The following PRR16 variants were observed in gnomAD, a reference collection of about 807,000 sequenced individuals.
The protein encoded by PRR16 is proline rich 16, also known as protein Largen.
Under a neutral mutation model 18.2 loss-of-function variants are expected in PRR16, and 6 were observed. The ratio of observed to expected loss-of-function variants is 0.33; its 90% CI spans 0.18 to 0.65. The LOEUF (loss-of-function observed/expected upper bound fraction) is 0.65, where lower values mean the gene tolerates loss of function less well. Among genes scored for constraint, PRR16 ranks in the 30% least tolerant of loss-of-function variants. The pLI, the probability that PRR16 is intolerant of heterozygous loss-of-function variation, is 0.74. For missense variants in PRR16, 412 were observed against 376.6 expected (o/e 1.09, Z -0.78); for synonymous variants, 151 against 147.8 (o/e 1.02, Z -0.16).
the PRR16 span, among the ~76,000 whole-genome samples, chr5:120,703,012 T>C: frequency 2.0e-5 from 3 of 152,172 alleles, no homozygotes; most frequent in East Asian, 1.9e-4. Flanking sequence ...GTGAGCAACA[T>C]GGCTGTTTAT....
intron 1 of PRR16, among the ~76,000 whole-genome samples, chr5:120,518,369 T>C (rs1161725173): frequency 1.3e-5 from 2 of 152,094 alleles, no homozygotes; most frequent in East Asian, 1.9e-4. Context: ...AGACAAATTA[T>C]GATAACTGTG....
chr5:120,541,033 AAG>A (rs1315925358), intron 1 of PRR16, among the ~76,000 whole-genome samples: 15 of 152,218 alleles, frequency 9.9e-5, no homozygotes, highest in African/African-American at 3.6e-4. Context: ...GTATTTTATA[AAG>A]AGATTCTTTA....
At chr5:120,467,944 A>G (rs1749154661) in intron 1 of PRR16, among the ~76,000 whole-genome samples, 1 of 152,164 alleles carries the variant, frequency 6.6e-6, no homozygotes, top group South Asian at 2.1e-4. Flanking sequence ...TTAAATTGCT[A>G]CCAAGATGAA....
intron 1 of PRR16, among the ~76,000 whole-genome samples, chr5:120,567,147 T>A (rs920376482): frequency 3.3e-5 from 5 of 152,318 alleles, no homozygotes; most frequent in Non-Finnish European, 7.4e-5. Flanking sequence ...GTCTACCATC[T>A]CACATATGCC....
At chr5:120,745,320 C>T in the PRR16 span, among the ~76,000 whole-genome samples, 1 of 152,138 alleles carries the variant, frequency 6.6e-6, no homozygotes, top group Admixed American at 6.5e-5. Flanking sequence ...CTCTGCTTTA[C>T]TCCCATCCAG....
the PRR16 span, among the ~76,000 whole-genome samples, chr5:120,759,178 G>A: frequency 7.9e-5 from 12 of 151,720 alleles, no homozygotes; most frequent in Middle Eastern, 3.2e-3. Flanking sequence ...GGGTTTCACC[G>A]TGTTAGCCAG....
At chr5:120,707,870 G>T in the PRR16 span, among the ~76,000 whole-genome samples, 10 of 152,172 alleles carry the variant, frequency 6.6e-5, no homozygotes, top group African/African-American at 2.4e-4. Flanking sequence ...TTGCATATGG[G>T]AATGAGGCTT....
intron 1 of PRR16, among the ~76,000 whole-genome samples, chr5:120,519,765 A>G (rs1228190510): frequency 6.6e-6 from 1 of 152,164 alleles, no homozygotes; most frequent in African/African-American, 2.4e-5. Flanking sequence ...AGAGAAAAGA[A>G]AAAATATGTG....
intron 1 of PRR16, among the ~76,000 whole-genome samples, chr5:120,622,681 G>A (rs577921194): frequency 3.3e-5 from 5 of 151,986 alleles, no homozygotes; most frequent in African/African-American, 1.2e-4. Flanking sequence ...GTTTCACCAT[G>A]TTGGCTAGGA....
intron 1 of PRR16, among the ~76,000 whole-genome samples, chr5:120,489,378 G>T (rs6882173): frequency 1 from 151,531 of 151,608 alleles, 75,727 homozygotes; most frequent in Middle Eastern, 1. Flanking sequence ...AGCTCTTCTT[G>T]TTGAATTGAT....
intron 1 of PRR16, among the ~76,000 whole-genome samples, chr5:120,521,472 C>A (rs561895781): frequency 6.6e-6 from 1 of 151,964 alleles, no homozygotes; most frequent in Admixed American, 6.6e-5. Flanking sequence ...TTACAGTCTG[C>A]TGATCTTTAT....
intron 1 of PRR16, among the ~76,000 whole-genome samples, chr5:120,470,491 A>T (rs1340918862): frequency 1.3e-5 from 2 of 152,188 alleles, no homozygotes; most frequent in Non-Finnish European, 2.9e-5. Flanking sequence ...GTTATAAATT[A>T]TAAGCAATGA....
At chr5:120,653,234 GA>G (rs930744464) in intron 1 of PRR16, among the ~76,000 whole-genome samples, 1 of 149,406 alleles carries the variant, frequency 6.7e-6, no homozygotes, top group Non-Finnish European at 1.5e-5. Context: ...GTTCACCTTG[GA>G]AAAAAAACAG....
At chr5:120,563,788 C>A (rs1752650179) in intron 1 of PRR16, among the ~76,000 whole-genome samples, 1 of 152,012 alleles carries the variant, frequency 6.6e-6, no homozygotes, top group Non-Finnish European at 1.5e-5. Flanking sequence ...AGACAATGTC[C>A]CCTTTACTTT....
the PRR16 span, among the ~76,000 whole-genome samples, chr5:120,723,622 C>G: frequency 6.6e-6 from 1 of 151,796 alleles, no homozygotes; most frequent in African/African-American, 2.4e-5. Flanking sequence ...AGAAATAAGA[C>G]TCTTGATTTT....
In PRR16 at chr5:120,664,385, G is replaced by A. The variant is rs113268731; in HGVS notation, c.160-21569G>A. On this transcript the variant is annotated intron_variant, in intron 1 of 1. Coordinates refer to ENST00000407149, the MANE Select transcript of PRR16 (RefSeq NM_001300783.2). ...GGAAGGTACTCGTGCTGCAACCCTGGGAAGCATGGCCATATGAGCAGATCT... is the reference window on the plus strand; with the variant it reads ...GGAAGGTACTCGTGCTGCAACCCTGAGAAGCATGGCCATATGAGCAGATCT... Among the ~76,000 whole-genome samples, 775 of 151,914 alleles carry A rather than the reference G, an allele frequency of 5.1e-3. 1 individual carries two copies. Among genetic ancestry groups the A allele is most frequent in the African/African-American group, 0.018 (743 of 41,478 alleles).
At chr5:120,573,248 C>T (rs978552012) in intron 1 of PRR16, among the ~76,000 whole-genome samples, 3 of 152,184 alleles carry the variant, frequency 2.0e-5, no homozygotes, top group African/African-American at 7.2e-5. Flanking sequence ...TTGTCTCCCT[C>T]TCACACTGTT....
intron 1 of PRR16, among the ~76,000 whole-genome samples, chr5:120,505,542 T>G (rs1476920047): frequency 1.3e-5 from 2 of 152,154 alleles, no homozygotes; most frequent in African/African-American, 4.8e-5. Flanking sequence ...TGAGATTATT[T>G]ATCATAAGAA....
At chr5:120,580,253 A>G (rs1753223036) in intron 1 of PRR16, among the ~76,000 whole-genome samples, 1 of 152,060 alleles carries the variant, frequency 6.6e-6, no homozygotes, top group Non-Finnish European at 1.5e-5. Flanking sequence ...TCTGGCCAGA[A>G]CTTCCAATAC....
Sources: gnomAD v4.1 joint callset for allele counts (sites outside exome capture counted in the v4.1 genomes callset) on GRCh38, gnomAD v4.1.1 for gene constraint, MANE v1.5 for transcripts, NCBI Gene and HGNC (gene_info 2026-07-23, HGNC 2026-07-21) for gene names.